The following FGF18 variants were observed in gnomAD, a reference collection of about 807,000 sequenced individuals.
The protein encoded by FGF18 is fibroblast growth factor 18.
FGF18 carries 5 observed loss-of-function variants against 23.0 expected under a neutral mutation model. That is an observed-to-expected ratio of 0.22 (90% CI 0.11 to 0.46). FGF18 has a LOEUF of 0.46. Among genes scored for constraint, FGF18 ranks in the 20% least tolerant of loss-of-function variants. The pLI, the probability that FGF18 is intolerant of heterozygous loss-of-function variation, is 0.99. For missense variants in FGF18, 180 were observed against 291.6 expected, an observed-to-expected ratio of 0.62 and a Z score of 2.79; for synonymous variants, 117 against 118.9, an observed-to-expected ratio of 0.98 and a Z score of 0.10.
Position 171,421,795 on chromosome 5 carries a change from C to T in FGF18, c.69+1352C>T, listed in dbSNP as rs549163724. On this transcript the variant is annotated intron_variant, in intron 2 of 4. Transcript: ENST00000274625. ...CTCCTGTTGGCCAGGCTGGGGTCCC[C>T]AGTGACTCCTTGAATCAATATAACT... 4.0e-5 allele frequency among the ~76,000 whole-genome samples: 6 copies of T among 150,338 alleles called. No individual in the cohort carries two copies. The East Asian group carries it at 1.2e-3, about 30-fold the overall frequency.
intron 3 of FGF18, among the ~76,000 whole-genome samples, chr5:171,446,593 G>C (rs1204088216): frequency 6.6e-6 from 1 of 152,190 alleles, no homozygotes; most frequent in Non-Finnish European, 1.5e-5. Flanking sequence ...CCAAGAGGGA[G>C]TCTCTCCCTT....
chr5:171,420,513 G>T (rs948432908), intron 2 of FGF18, 70 bp downstream of exon 2: 2 of 1,458,006 alleles, frequency 1.4e-6, no homozygotes, highest in South Asian at 1.1e-5. Flanking sequence ...CCCTTCCCCG[G>T]CCGCGCCCCC....
rs1327221095 is a variant in FGF18, at chr5:171,434,833, C to A, written c.70-1260C>A. Among the ~76,000 whole-genome samples, 2 of 143,270 alleles carry A rather than the reference C, an allele frequency of 1.4e-5. No homozygotes were observed. Among genetic ancestry groups the A allele is most frequent in the Non-Finnish European group, 3.0e-5 (2 of 66,470 alleles). The allele number at this position is 143,270 out of a possible 152,430, so 94.0% of individuals were successfully genotyped here. On this transcript the variant is annotated intron_variant, in intron 2 of 4. Coordinates refer to ENST00000274625, the MANE Select transcript of FGF18 (RefSeq NM_003862.3). This position sits in a 1 kb window ranked among gnomAD's most constrained non-coding sequence, Gnocchi z 4.6. ...CCTTTTTTTTTTTTTTTTGATGGTGCTGCCAGTCTACTGGGGCCAAAAGAC... is the reference window on the plus strand; with the variant it reads ...CCTTTTTTTTTTTTTTTTGATGGTGATGCCAGTCTACTGGGGCCAAAAGAC...
chr5:171,441,412 A>G (rs1005015648), intron 3 of FGF18, among the ~76,000 whole-genome samples: 3 of 152,132 alleles, frequency 2.0e-5, no homozygotes, highest in African/African-American at 7.2e-5. Context: ...CCTTGCTTAC[A>G]TGGCCACAGC....
intron 2 of FGF18, among the ~76,000 whole-genome samples, chr5:171,429,357 C>T (rs933201662): frequency 7.2e-5 from 11 of 152,238 alleles, no homozygotes; most frequent in African/African-American, 1.9e-4. Flanking sequence ...GTGTGAGGAG[C>T]GGACATGGGC....
chr5:171,425,342 C>T (rs975381594), intron 2 of FGF18, among the ~76,000 whole-genome samples: 1 of 151,912 alleles, frequency 6.6e-6, no homozygotes, highest in African/African-American at 2.4e-5. Flanking sequence ...CTCCCAGGTT[C>T]AAGCAGTCCT....
In FGF18 at chr5:171,433,375, C is replaced by T. The variant is rs115044084; in HGVS notation, c.70-2718C>T. 2.9e-3 allele frequency among the ~76,000 whole-genome samples: 447 copies of T among 152,260 alleles called. 2 individuals are homozygous for T. The highest frequency in any genetic ancestry group is 0.01 in the African/African-American group (424 of 41,548). ...GTTTGACCTCTGGTCGATAAGGTCT[C>T]CTGTGAGCAGGAGGAGAGTAGAAGG... is the stretch of plus-strand genomic sequence containing the variant. On this transcript the variant is annotated intron_variant, in intron 2 of 4. Transcript: ENST00000274625.
chr5:171,425,919 G>A (rs150984146), intron 2 of FGF18, among the ~76,000 whole-genome samples: 15 of 152,276 alleles, frequency 9.9e-5, no homozygotes, highest in African/African-American at 3.1e-4. Flanking sequence ...GAGAGGCACC[G>A]GTGCATAAAG....
chr5:171,455,806 A>G (rs1397259603), intron 4 of FGF18, among the ~76,000 whole-genome samples: 1 of 152,198 alleles, frequency 6.6e-6, no homozygotes, highest in Non-Finnish European at 1.5e-5. Flanking sequence ...AGCCACAGGG[A>G]AAATAGTGTC....
At chr5:171,422,286 A>G (rs540678005) in intron 2 of FGF18, among the ~76,000 whole-genome samples, 2 of 152,158 alleles carry the variant, frequency 1.3e-5, no homozygotes, top group South Asian at 2.1e-4. Flanking sequence ...TGCCCTGGTT[A>G]GGTCAAGAGG....
intron 2 of FGF18, among the ~76,000 whole-genome samples, chr5:171,423,965 A>G (rs951263588): frequency 6.6e-6 from 1 of 151,852 alleles, no homozygotes; most frequent in Non-Finnish European, 1.5e-5. Flanking sequence ...GGGTTTCACC[A>G]TGTTGGCCAG....
intron 3 of FGF18, among the ~76,000 whole-genome samples, chr5:171,448,254 G>C (rs1352480697): frequency 1.3e-5 from 2 of 152,310 alleles, no homozygotes; most frequent in Admixed American, 1.3e-4. Context: ...ATCCCAGTGG[G>C]GATCCGGTCC....
At position 171,420,249 on chromosome 5, in the gene FGF18, G is replaced by A. The variant is rs1467833329; in HGVS notation, c.32+18G>A. The A allele has an allele frequency of 2.2e-5, 35 of 1,587,670 alleles. No individual in the cohort carries two copies. Among genetic ancestry groups the A allele is most frequent in the Non-Finnish European group, 2.9e-5 (34 of 1,169,668 alleles). The stretch of plus-strand genomic sequence containing the variant: ...ACTTGCCTGTAAGCGCCCGCGCGCG[G>A]GGCTGCCCACCTTGCCTGGCTGTCT... On this transcript the variant is annotated intron_variant, in intron 1 of 4. Coordinates refer to ENST00000274625, the MANE Select transcript of FGF18 (RefSeq NM_003862.3).
At chr5:171,431,246 AG>A (rs1772178281) in intron 2 of FGF18, among the ~76,000 whole-genome samples, 2 of 152,272 alleles carry the variant, frequency 1.3e-5, no homozygotes, top group South Asian at 4.1e-4. Context: ...ATCACGTGGA[AG>A]GTTCTTACCA....
At chr5:171,444,660 G>C (rs1772392486) in intron 3 of FGF18, among the ~76,000 whole-genome samples, 1 of 152,052 alleles carries the variant, frequency 6.6e-6, no homozygotes, top group Admixed American at 6.5e-5. Context: ...GCACCAGGAA[G>C]GCGCACAGTG....
At chr5:171,427,993 C>G (rs2113333159) in intron 2 of FGF18, among the ~76,000 whole-genome samples, 1 of 152,300 alleles carries the variant, frequency 6.6e-6, no homozygotes, top group South Asian at 2.1e-4. Flanking sequence ...CAGAACCTCC[C>G]TCCTGGGGTT....
At chr5:171,424,236 A>G (rs964258301) in intron 2 of FGF18, among the ~76,000 whole-genome samples, 2 of 152,228 alleles carry the variant, frequency 1.3e-5, no homozygotes, top group Admixed American at 1.3e-4. Context: ...AGCCTTGTCT[A>G]TTCTGCCCCC....
rs1166166516 is a variant in FGF18 at position 171,451,653 on chromosome 5, TCCAAAC to T, written c.357+2404_357+2409del. 6.6e-6 allele frequency among the ~76,000 whole-genome samples: 1 copy of T among 150,794 alleles called. No individual in the cohort carries two copies. Among genetic ancestry groups the T allele is most frequent in the Non-Finnish European group, 1.5e-5 (1 of 67,768 alleles). On this transcript the variant is annotated intron_variant, in intron 4 of 4. Transcript: ENST00000274625. The surrounding 1 kb of genome is among the most constrained non-coding windows in gnomAD (Gnocchi z 4.5). ...GACCTGCCCTCCACCCCCACCCAGC[TCCAAAC>T]CCATCCATGGGTCCTCCCACCTTGC...
chr5:171,421,070 C>T (rs1433686809), intron 2 of FGF18, among the ~76,000 whole-genome samples: 1 of 152,256 alleles, frequency 6.6e-6, no homozygotes, highest in African/African-American at 2.4e-5. Context: ...GGTTCCCCGC[C>T]TGCTCCCGGT....
Sources: allele counts gnomAD v4.1 joint callset (sites outside exome capture counted in the v4.1 genomes callset), GRCh38; gene constraint gnomAD v4.1.1; non-coding constraint Gnocchi (gnomAD v3.1); transcripts MANE v1.5; gene names NCBI Gene and HGNC (gene_info 2026-07-23, HGNC 2026-07-21).